Variants in MALRD1 observed in about 807,000 individuals in gnomAD.
MALRD1 encodes MAM and LDL-receptor class A domain-containing protein 1.
In MALRD1, 247 loss-of-function variants were observed where a neutral mutation model predicts 242.1. The observed-to-expected ratio is 1.02, with a 90% CI of 0.92 to 1.13. MALRD1 has a LOEUF of 1.13. MALRD1 is among the 50% of genes most tolerant of loss of function. The pLI is 0.00. For synonymous variants in MALRD1, 995 were observed against 866.6 expected (o/e 1.15, Z -2.60); for missense variants, 2,989 against 2,533.1 (o/e 1.18, Z -3.86).
intron 28 of MALRD1, among the ~76,000 whole-genome samples, chr10:19,422,523 T>C (rs898212728): frequency 2.0e-5 from 3 of 152,184 alleles, no homozygotes; most frequent in African/African-American, 7.2e-5. Flanking sequence ...CTCTGTATTG[T>C]TTGTGCATAG....
At chr10:19,615,787 T>G in intron 35 of MALRD1, 70 bp from the exon 36 acceptor site, 1 of 1,202,658 alleles carries the variant, frequency 8.3e-7, no homozygotes, top group Non-Finnish European at 1.2e-6. Context: ...TAATGACAAA[T>G]AGTGATATCT....
In MALRD1 at chr10:19,124,638, C is replaced by T. The variant is rs980338343; in HGVS notation, c.911C>T (p.Thr304Ile). ...KAREIPAFES[T>I]PQQDQGGDDE... ...AGAGAGATCCCTGCATTCGAATCCA[C>T]ACCTCAGCAGGATCAAGGAGGTGAT... is the stretch of plus-strand genomic sequence containing the variant. Residue 304 changes from threonine to isoleucine, a missense_variant, in exon 7 of 40, where the codon ACA (threonine) becomes ATA (isoleucine). Coordinates refer to ENST00000454679, the MANE Select transcript of MALRD1 (RefSeq NM_001142308.3). The T allele has an allele frequency of 3.2e-6, 4 of 1,233,644 alleles. No individual in the cohort carries two copies. Among genetic ancestry groups the T allele is most frequent in the Admixed American group, 4.2e-5 (1 of 23,674 alleles). 76.4% of individuals were successfully genotyped at this position (1,233,644 alleles called of 1,614,324 possible). A position where few individuals can be genotyped will look rare whatever the true frequency, so the allele number is the denominator to read the frequency against.
intron 21 of MALRD1, among the ~76,000 whole-genome samples, chr10:19,297,599 A>G (rs1223024790): frequency 6.6e-6 from 1 of 152,072 alleles, no homozygotes; most frequent in East Asian, 1.9e-4. Context: ...AACTATATTT[A>G]TAGCATTATT....
intron 26 of MALRD1, among the ~76,000 whole-genome samples, chr10:19,380,122 G>T (rs1226424996): frequency 6.6e-6 from 1 of 151,300 alleles, no homozygotes; most frequent in Non-Finnish European, 1.5e-5. Context: ...TTACAGACAT[G>T]CACCACCATG....
chr10:19,156,448 G>C (rs1021872513), intron 12 of MALRD1, among the ~76,000 whole-genome samples: 86 of 140,312 alleles, frequency 6.1e-4, no homozygotes, highest in African/African-American at 2.1e-3. Flanking sequence ...AAAAGAGAAA[G>C]ATAGATATAG....
intron 18 of MALRD1, among the ~76,000 whole-genome samples, chr10:19,237,617 TAATTATATAATTATAATTATATATA>T (rs1838399566): frequency 1.8e-5 from 1 of 56,806 alleles, no homozygotes; most frequent in Non-Finnish European, 3.0e-5. Context: ...TATAATTATA[TAATTATATAATTATAATTATATATA>T]AATTATTATA....
chr10:19,063,034 A>G (rs1453734137), intron 1 of MALRD1, among the ~76,000 whole-genome samples: 5 of 152,032 alleles, frequency 3.3e-5, no homozygotes, highest in Non-Finnish European at 5.9e-5. Context: ...AGTTCCAGCT[A>G]CTTGAGAGGC....
At chr10:19,384,192 C>A (rs960576594) in intron 26 of MALRD1, among the ~76,000 whole-genome samples, 50 of 147,962 alleles carry the variant, frequency 3.4e-4, no homozygotes, top group African/African-American at 1.2e-3. Context: ...ATGTCTTCTG[C>A]CAATTTTTAA....
chr10:19,686,810 C>CCACA (rs1842602399), intron 36 of MALRD1, among the ~76,000 whole-genome samples: 1 of 152,106 alleles, frequency 6.6e-6, no homozygotes, highest in Non-Finnish European at 1.5e-5. Context: ...AAGGCGGCAA[C>CCACA]CACAGCATGT....
chr10:19,590,207 A>C (rs866771903), intron 33 of MALRD1, among the ~76,000 whole-genome samples: 1 of 151,102 alleles, frequency 6.6e-6, no homozygotes, highest in Non-Finnish European at 1.5e-5. Flanking sequence ...ATCAAACATG[A>C]GGTGTTGGTT....
At chr10:19,047,005 A>G (rs529275827), upstream of MALRD1, among the ~76,000 whole-genome samples, 2 of 152,320 alleles carry the variant, frequency 1.3e-5, no homozygotes, top group African/African-American at 4.8e-5. Context: ...TGTAAGCTAC[A>G]TTCAGAGTAT....
chr10:19,672,220 A>G (rs1045558233), intron 36 of MALRD1, among the ~76,000 whole-genome samples: 2 of 152,004 alleles, frequency 1.3e-5, no homozygotes, highest in African/African-American at 4.8e-5. Flanking sequence ...AGATCATTAA[A>G]TCATCTAACA....
At chr10:19,286,248 C>T (rs1474327348) in intron 21 of MALRD1, among the ~76,000 whole-genome samples, 1 of 149,768 alleles carries the variant, frequency 6.7e-6, no homozygotes, top group Non-Finnish European at 1.5e-5. Context: ...CTTTTATTTC[C>T]TTCTCCTGCC....
chr10:19,453,731 C>T (rs1266397644), intron 29 of MALRD1, among the ~76,000 whole-genome samples: 1 of 151,920 alleles, frequency 6.6e-6, no homozygotes, highest in African/African-American at 2.4e-5. Flanking sequence ...GAAAAATTAG[C>T]TGGGCGTTGT....
chr10:19,319,077 A>C (rs1842817324), intron 21 of MALRD1, among the ~76,000 whole-genome samples: 1 of 152,074 alleles, frequency 6.6e-6, no homozygotes. Context: ...AACGTGATAC[A>C]AATGTTCTCT....
chr10:19,532,321 C>T (rs184583027), intron 32 of MALRD1, among the ~76,000 whole-genome samples: 3 of 152,270 alleles, frequency 2.0e-5, no homozygotes, highest in Admixed American at 6.5e-5. Flanking sequence ...GTGGTGCGAT[C>T]TCAGTTCACT....
intron 36 of MALRD1, among the ~76,000 whole-genome samples, chr10:19,686,676 G>A (rs1842596969): frequency 6.6e-6 from 1 of 152,056 alleles, no homozygotes; most frequent in African/African-American, 2.4e-5. Flanking sequence ...CTGGTGGAGG[G>A]GTGCCTTCTC....
intron 32 of MALRD1, among the ~76,000 whole-genome samples, chr10:19,538,856 C>T (rs919314500): frequency 2.6e-5 from 4 of 151,614 alleles, no homozygotes; most frequent in African/African-American, 4.8e-5. Context: ...TATGGGATTC[C>T]GGAAACCGAT....
chr10:19,356,014 G>C (rs963428371), intron 26 of MALRD1, among the ~76,000 whole-genome samples: 51 of 150,724 alleles, frequency 3.4e-4, no homozygotes, highest in South Asian at 6.3e-4. Flanking sequence ...TAATTCGGTG[G>C]AGACAATTTT....
Sources: gnomAD v4.1 joint callset for allele counts (sites outside exome capture counted in the v4.1 genomes callset) on GRCh38, gnomAD v4.1.1 for gene constraint, MANE v1.5 for transcripts, NCBI Gene and HGNC (gene_info 2026-07-23, HGNC 2026-07-21) for gene names.